The following KCNQ1OT1 variants were observed in gnomAD, a reference collection of about 807,000 sequenced individuals.
KCNQ1OT1 encodes the protein KCNQ1 antisense RNA 2 (non-protein coding).
chr11:2,636,613 C>T (rs1849470333), exon 1 of KCNQ1OT1: 2 of 152,114 alleles, frequency 1.3e-5, no homozygotes, highest in South Asian at 2.1e-4. Flanking sequence ...ATTTTTGCAT[C>T]AATGTTCATC....
Position 2,624,317 on chromosome 11 carries a change from G to C in KCNQ1OT1, n.75678C>G, listed in dbSNP as rs918610297. On this transcript the variant is annotated non_coding_transcript_exon_variant, in exon 1 of 1. Coordinates refer to ENST00000597346, the Ensembl canonical transcript of KCNQ1OT1. The surrounding 1 kb of genome is among the most constrained non-coding windows in gnomAD (Gnocchi z 4.9). Reference sequence around the variant, plus strand: ...AAGGTTCTTTATATATTTTGGATGAGTCCTTTATCAGGTATATCTTTTACA... The same window carrying C: ...AAGGTTCTTTATATATTTTGGATGACTCCTTTATCAGGTATATCTTTTACA... The C allele has an allele frequency of 2.5e-6, 1 of 398,442 alleles. No individual in the cohort carries two copies. Among genetic ancestry groups the C allele is most frequent in the African/African-American group, 2.1e-5 (1 of 48,708 alleles). 24.7% of individuals were successfully genotyped at this position (398,442 alleles called of 1,614,324 possible). A position where few individuals can be genotyped will look rare whatever the true frequency, so the allele number is the denominator to read the frequency against.
At position 2,668,060 on chromosome 11, in the gene KCNQ1OT1, G is replaced by A. The variant is rs568402016; in HGVS notation, n.31935C>T. On this transcript the variant is annotated non_coding_transcript_exon_variant, in exon 1 of 1. Coordinates refer to ENST00000597346, the Ensembl canonical transcript of KCNQ1OT1. The surrounding 1 kb of genome is among the most constrained non-coding windows in gnomAD (Gnocchi z 4.3). ...CTTTGCCCACATTTGAACTTTATGC[G>A]GTGGGAATGATGCAACTCATACACC... 49 of 398,572 alleles carry A rather than the reference G, an allele frequency of 1.2e-4. No homozygotes were observed. The South Asian group carries it at 1.5e-3, about 12-fold the overall frequency. 24.7% of individuals were successfully genotyped at this position (398,572 alleles called of 1,614,324 possible). A position where few individuals can be genotyped will look rare whatever the true frequency, so the allele number is the denominator to read the frequency against.
In KCNQ1OT1 at chr11:2,627,701, T is replaced by A. The variant is rs774112666; in HGVS notation, n.72294A>T. 2.5e-6 allele frequency: 1 copy of A among 398,580 alleles called. No homozygotes were observed. Among genetic ancestry groups the A allele is most frequent in the East Asian group, 3.6e-5 (1 of 28,080 alleles). The allele number at this position is 398,580 out of a possible 1,614,324, so 24.7% of individuals were successfully genotyped here. On this transcript the variant is annotated non_coding_transcript_exon_variant, in exon 1 of 1. Coordinates refer to ENST00000597346, the Ensembl canonical transcript of KCNQ1OT1. The surrounding 1 kb of genome is among the most constrained non-coding windows in gnomAD (Gnocchi z 4.9). ...GTGTGTGTGTGTGTCTGTATGTATA[T>A]GTATGTGATGTGTTTATTTGGGAAT... is the stretch of plus-strand genomic sequence containing the variant.
At position 2,647,761 on chromosome 11, in the gene KCNQ1OT1, G is replaced by A. The variant is rs969599940; in HGVS notation, n.52234C>T. 2.5e-6 allele frequency: 1 copy of A among 398,100 alleles called. No individual in the cohort carries two copies. The highest frequency in any genetic ancestry group is 2.1e-5 in the African/African-American group (1 of 48,472). 24.7% of individuals were successfully genotyped at this position (398,100 alleles called of 1,614,324 possible). A position where few individuals can be genotyped will look rare whatever the true frequency, so the allele number is the denominator to read the frequency against. On this transcript the variant is annotated non_coding_transcript_exon_variant, in exon 1 of 1. Transcript: ENST00000597346. This position sits in a 1 kb window ranked among gnomAD's most constrained non-coding sequence, Gnocchi z 4.0. ...CCAGGAATTTATCTCTTTCCTCTAGGTTTTCTAATTGTTGACATATAGTTG... is the reference window on the plus strand; with the variant it reads ...CCAGGAATTTATCTCTTTCCTCTAGATTTTCTAATTGTTGACATATAGTTG...
chr11:2,652,857 T>C lies in KCNQ1OT1; in HGVS notation n.47138A>G, dbSNP rs948865053. On this transcript the variant is annotated non_coding_transcript_exon_variant, in exon 1 of 1. Transcript: ENST00000597346. This position sits in a 1 kb window ranked among gnomAD's most constrained non-coding sequence, Gnocchi z 5.9. ...GATTTGTGTATGCTGAGGCTTGCTA[T>C]ACTTATTCTAAGGAGAAGTGTTTGG... 4.3e-5 allele frequency: 17 copies of C among 398,632 alleles called. No homozygotes were observed. The Admixed American group carries it at 4.8e-4, about 11-fold the overall frequency. The allele number at this position is 398,632 out of a possible 1,614,324, so 24.7% of individuals were successfully genotyped here. A position where few individuals can be genotyped will look rare whatever the true frequency, so the allele number is the denominator to read the frequency against.
At position 2,687,571 on chromosome 11, in the gene KCNQ1OT1, C is replaced by T. The variant is rs932075113; in HGVS notation, n.12424G>A. The T allele has an allele frequency of 1.3e-5, 5 of 398,634 alleles. No individual in the cohort carries two copies. Among genetic ancestry groups the T allele is most frequent in the Non-Finnish European group, 2.2e-5 (5 of 226,174 alleles). The allele number at this position is 398,634 out of a possible 1,614,324, so 24.7% of individuals were successfully genotyped here. Reference sequence around the variant, plus strand: ...TACCACAGCCCACTCTGATGACCCCCTGTCAAGGAGGTGTGACTGAGAAAG... The same window carrying T: ...TACCACAGCCCACTCTGATGACCCCTTGTCAAGGAGGTGTGACTGAGAAAG... On this transcript the variant is annotated non_coding_transcript_exon_variant, in exon 1 of 1. Coordinates refer to ENST00000597346, the Ensembl canonical transcript of KCNQ1OT1. The surrounding 1 kb of genome is among the most constrained non-coding windows in gnomAD (Gnocchi z 5.0).
rs1849265750 is a variant in KCNQ1OT1, at chr11:2,626,594, T to C, written n.73401A>G. The C allele has an allele frequency of 1.0e-5, 4 of 398,580 alleles. No homozygotes were observed. Among genetic ancestry groups the C allele is most frequent in the Non-Finnish European group, 1.8e-5 (4 of 226,116 alleles). The allele number at this position is 398,580 out of a possible 1,614,324, so 24.7% of individuals were successfully genotyped here. A position where few individuals can be genotyped will look rare whatever the true frequency, so the allele number is the denominator to read the frequency against. On this transcript the variant is annotated non_coding_transcript_exon_variant, in exon 1 of 1. Coordinates refer to ENST00000597346, the Ensembl canonical transcript of KCNQ1OT1. This position sits in a 1 kb window ranked among gnomAD's most constrained non-coding sequence, Gnocchi z 4.0. ...CCCACGCTGGAGTACAGTGGCATTA[T>C]CACTGCTTACTGCCACCTCAATCTC...
Position 2,698,037 on chromosome 11 carries a change from A to C in KCNQ1OT1, n.1958T>G, listed in dbSNP as rs962873148. The C allele has an allele frequency of 7.5e-6, 3 of 398,512 alleles. No homozygotes were observed. The highest frequency in any genetic ancestry group is 6.2e-5 in the African/African-American group (3 of 48,620). The allele number at this position is 398,512 out of a possible 1,614,324, so 24.7% of individuals were successfully genotyped here. On this transcript the variant is annotated non_coding_transcript_exon_variant, in exon 1 of 1. Coordinates refer to ENST00000597346, the Ensembl canonical transcript of KCNQ1OT1. The surrounding 1 kb of genome is among the most constrained non-coding windows in gnomAD (Gnocchi z 5.1). The stretch of plus-strand genomic sequence containing the variant: ...GGTGCAGAAATGGATCATTTGAGAC[A>C]CCATAGAAATCTGGTTAATCCTGCC...
exon 1 of KCNQ1OT1, chr11:2,643,770 G>C: frequency 2.5e-6 from 1 of 398,558 alleles, no homozygotes. Context: ...ATTTTTTGTA[G>C]TGCCAGTGTA....
chr11:2,672,948 A>G, exon 1 of KCNQ1OT1: 1 of 398,764 alleles, frequency 2.5e-6, no homozygotes, highest in Non-Finnish European at 4.4e-6. Flanking sequence ...GGTGGCAAGG[A>G]ATCATGAACC....
At chr11:2,672,676 T>G (rs1850207887) in exon 1 of KCNQ1OT1, 1 of 398,630 alleles carries the variant, frequency 2.5e-6, no homozygotes, top group Non-Finnish European at 4.4e-6. Flanking sequence ...CCTTGCCCAG[T>G]GGACACAGCC....
rs1850146674 is a variant in KCNQ1OT1 at position 2,669,690 on chromosome 11, G to A, written n.30305C>T. 5.0e-6 allele frequency: 2 copies of A among 398,584 alleles called. No homozygotes were observed. The highest frequency in any genetic ancestry group is 2.5e-4 in the South Asian group (2 of 7,850). The allele number at this position is 398,584 out of a possible 1,614,324, so 24.7% of individuals were successfully genotyped here. A position where few individuals can be genotyped will look rare whatever the true frequency, so the allele number is the denominator to read the frequency against. On this transcript the variant is annotated non_coding_transcript_exon_variant, in exon 1 of 1. Coordinates refer to ENST00000597346, the Ensembl canonical transcript of KCNQ1OT1. The surrounding 1 kb of genome is among the most constrained non-coding windows in gnomAD (Gnocchi z 5.6). ...TATTAGTGTAAGGCCTTGAGGAGAT[G>A]GTGTTAGGCATCCAGCCACATACCT...
In KCNQ1OT1 at chr11:2,663,612, C is replaced by T. The variant is rs906595856; in HGVS notation, n.36383G>A. 32 of 398,570 alleles carry T rather than the reference C, an allele frequency of 8.0e-5. No individual in the cohort carries two copies. Among genetic ancestry groups the T allele is most frequent in the African/African-American group, 1.4e-4 (7 of 48,622 alleles). The allele number at this position is 398,570 out of a possible 1,614,324, so 24.7% of individuals were successfully genotyped here. ...TCGCTCACCTTGGTTCTCTTGGTCA[C>T]GGACCAGCATCCAGACATGCAAAAA... is the stretch of plus-strand genomic sequence containing the variant. On this transcript the variant is annotated non_coding_transcript_exon_variant, in exon 1 of 1. Transcript: ENST00000597346. This position sits in a 1 kb window ranked among gnomAD's most constrained non-coding sequence, Gnocchi z 5.2.
chr11:2,643,783 G>T (rs1448408239), exon 1 of KCNQ1OT1: 1 of 398,420 alleles, frequency 2.5e-6, no homozygotes, highest in African/African-American at 2.1e-5. Flanking sequence ...CCAGTGTAGT[G>T]GCAATTAATT....
At chr11:2,675,298 C>T (rs1159678310) in exon 1 of KCNQ1OT1, 1 of 398,342 alleles carries the variant, frequency 2.5e-6, no homozygotes, top group Non-Finnish European at 4.4e-6. Flanking sequence ...AGAGTTTTGG[C>T]AATATAAAAC....
At position 2,657,793 on chromosome 11, in the gene KCNQ1OT1, G is replaced by C. The variant is rs546027013; in HGVS notation, n.42202C>G. 1.0e-5 allele frequency: 4 copies of C among 398,566 alleles called. No individual in the cohort carries two copies. In the South Asian group the frequency reaches 5.1e-4, roughly 51 times the overall value. The allele number at this position is 398,566 out of a possible 1,614,324, so 24.7% of individuals were successfully genotyped here. ...AACTTGACACTTTTGAAGAATACCA[G>C]TCAGGTGTCATTGTCCCTCAGTTTG... On this transcript the variant is annotated non_coding_transcript_exon_variant, in exon 1 of 1. Transcript: ENST00000597346. This position sits in a 1 kb window ranked among gnomAD's most constrained non-coding sequence, Gnocchi z 4.8.
In KCNQ1OT1 at chr11:2,676,279, T is replaced by C. The variant is rs186918808; in HGVS notation, n.23716A>G. ...GCATTTTTATTGCAAAATGTGTGTT[T>C]ACATGTATACAGACACACGTGTGAA... On this transcript the variant is annotated non_coding_transcript_exon_variant, in exon 1 of 1. Transcript: ENST00000597346. The surrounding 1 kb of genome is among the most constrained non-coding windows in gnomAD (Gnocchi z 4.2). 2.7e-4 allele frequency: 109 copies of C among 398,674 alleles called. No homozygotes were observed. The highest frequency in any genetic ancestry group is 6.2e-4 in the Admixed American group (14 of 22,740). 24.7% of individuals were successfully genotyped at this position (398,674 alleles called of 1,614,324 possible). A position where few individuals can be genotyped will look rare whatever the true frequency, so the allele number is the denominator to read the frequency against.
Position 2,663,906 on chromosome 11 carries a change from A to C in KCNQ1OT1, n.36089T>G. On this transcript the variant is annotated non_coding_transcript_exon_variant, in exon 1 of 1. Transcript: ENST00000597346. This position sits in a 1 kb window ranked among gnomAD's most constrained non-coding sequence, Gnocchi z 5.2. ...GACCCCAAGCCAGTGTGGCTGTGTC[A>C]TCTAGGACACTGGGCTGTTTCTTGT... 1 of 398,714 alleles carries C rather than the reference A, an allele frequency of 2.5e-6. No individual in the cohort carries two copies. The allele number at this position is 398,714 out of a possible 1,614,324, so 24.7% of individuals were successfully genotyped here. A position where few individuals can be genotyped will look rare whatever the true frequency, so the allele number is the denominator to read the frequency against.
At chr11:2,649,711 T>G in exon 1 of KCNQ1OT1, 1 of 398,594 alleles carries the variant, frequency 2.5e-6, no homozygotes, top group Non-Finnish European at 4.4e-6. Context: ...TTCATGCTTC[T>G]CTCTTGTTTT....
Sources: allele counts gnomAD v4.1 joint callset, GRCh38; gene constraint gnomAD v4.1.1; non-coding constraint Gnocchi (gnomAD v3.1); transcripts MANE v1.5; gene names NCBI Gene and HGNC (gene_info 2026-07-23, HGNC 2026-07-21).